ARHGEF7: variants seen among roughly 807,000 people sequenced by gnomAD.
ARHGEF7 encodes PAK-interacting exchange factor beta.
In ARHGEF7, 33 loss-of-function variants were observed where a neutral mutation model predicts 109.8. The ratio of observed to expected loss-of-function variants is 0.30; its 90% confidence interval spans 0.23 to 0.40. ARHGEF7 has a LOEUF of 0.40. ARHGEF7 is among the 10% of genes least tolerant of loss of function. The pLI is 1.00. For missense variants in ARHGEF7, 938 were observed against 1,098.5 expected, an observed-to-expected ratio of 0.85 and a Z score of 2.07; for synonymous variants, 458 against 424.6, an observed-to-expected ratio of 1.08 and a Z score of -0.97.
In ARHGEF7 at chr13:111,273,690, C is replaced by A; in HGVS notation, c.1074-124C>A. The stretch of plus-strand genomic sequence containing the variant: ...CGCAGATTTGGGATAAAAGCTGGAG[C>A]CTTCCAGATGTTAAAAGCAACACTT... On this transcript the variant is annotated intron_variant, in intron 9 of 21. Transcript: ENST00000646102. The surrounding 1 kb of genome is among the most constrained non-coding windows in gnomAD (Gnocchi z 4.5). 2 of 1,339,778 alleles carry A rather than the reference C, an allele frequency of 1.5e-6. No individual in the cohort carries two copies. The highest frequency in any genetic ancestry group is 1.3e-5 in the South Asian group (1 of 74,206). The allele number at this position is 1,339,778 out of a possible 1,614,324, so 83.0% of individuals were successfully genotyped here.
chr13:111,241,365 G>A, intron 6 of ARHGEF7: 3 of 1,535,468 alleles, frequency 2.0e-6, no homozygotes, highest in Non-Finnish European at 1.7e-6. Flanking sequence ...TGCGCCCCGA[G>A]GTCAGGAAGG....
At chr13:111,155,473 A>C (rs1316229023) in intron 2 of ARHGEF7, among the ~76,000 whole-genome samples, 1 of 152,242 alleles carries the variant, frequency 6.6e-6, no homozygotes, top group Non-Finnish European at 1.5e-5. Flanking sequence ...CACGTAAGTG[A>C]AAGTGCTAGG....
chr13:111,216,209 C>T (rs2083115656), intron 4 of ARHGEF7, among the ~76,000 whole-genome samples: 1 of 152,202 alleles, frequency 6.6e-6, no homozygotes, highest in African/African-American at 2.4e-5. Flanking sequence ...GACTCAGCTT[C>T]TGAGACTGAT....
chr13:111,280,823 T>G (rs1040983279), intron 15 of ARHGEF7, 146 bp downstream of exon 15: 6 of 953,684 alleles, frequency 6.3e-6, no homozygotes, highest in Non-Finnish European at 9.1e-6. Flanking sequence ...TCTGCAGATC[T>G]TTGGCCCTCT....
intron 2 of ARHGEF7, among the ~76,000 whole-genome samples, chr13:111,183,688 T>C (rs1348704546): frequency 1.3e-5 from 2 of 152,220 alleles, no homozygotes; most frequent in African/African-American, 2.4e-5. Context: ...TTATGGCCTC[T>C]TTATGAGGGA....
At chr13:111,284,026 A>G (rs2092911026) in intron 16 of ARHGEF7, among the ~76,000 whole-genome samples, 2 of 152,208 alleles carry the variant, frequency 1.3e-5, no homozygotes, top group Admixed American at 1.3e-4. Flanking sequence ...GTGTCTTTAG[A>G]AATCTGTTCT....
chr13:111,236,433 G>C (rs2086845009), intron 6 of ARHGEF7, among the ~76,000 whole-genome samples: 1 of 152,012 alleles, frequency 6.6e-6, no homozygotes, highest in African/African-American at 2.4e-5. Flanking sequence ...GGATATCTTA[G>C]ACCTATTTTA....
At position 111,266,799 on chromosome 13, in the gene ARHGEF7, A is replaced by G. The variant is rs1439634276; in HGVS notation, c.951-749A>G. 11 of 455,760 alleles carry G rather than the reference A, an allele frequency of 2.4e-5. No individual in the cohort carries two copies. Among genetic ancestry groups the G allele is most frequent in the Non-Finnish European group, 4.4e-5 (10 of 226,774 alleles). The allele number at this position is 455,760 out of a possible 1,614,324, so 28.2% of individuals were successfully genotyped here. ...ACCCTGGGGTGCAGGGAAGGTGGTA[A>G]GAGTTCACGTGGTTCTCCTGTTTTC... On this transcript the variant is annotated intron_variant, in intron 8 of 21. Coordinates refer to ENST00000646102, the MANE Select transcript of ARHGEF7 (RefSeq NM_001354046.2). The surrounding 1 kb of genome is among the most constrained non-coding windows in gnomAD (Gnocchi z 4.8).
At chr13:111,120,531 G>A (rs751914244) in intron 1 of ARHGEF7, among the ~76,000 whole-genome samples, 2 of 152,114 alleles carry the variant, frequency 1.3e-5, no homozygotes, top group Non-Finnish European at 2.9e-5. Context: ...ACACAGACAC[G>A]TCTGACGGGG....
At chr13:111,159,243 C>G (rs1025695741) in intron 2 of ARHGEF7, among the ~76,000 whole-genome samples, 2 of 152,162 alleles carry the variant, frequency 1.3e-5, no homozygotes, top group African/African-American at 4.8e-5. Context: ...GACTAGTATT[C>G]TATTGTGTAT....
chr13:111,163,148 A>G (rs968012749), intron 2 of ARHGEF7, among the ~76,000 whole-genome samples: 2 of 152,192 alleles, frequency 1.3e-5, no homozygotes, highest in African/African-American at 4.8e-5. Context: ...CCTGTGTAGG[A>G]CTTTAGTTAA....
intron 2 of ARHGEF7, among the ~76,000 whole-genome samples, chr13:111,170,762 G>A (rs1042777588): frequency 2.0e-5 from 3 of 152,210 alleles, no homozygotes; most frequent in African/African-American, 7.2e-5. Flanking sequence ...TGGTGCCCAG[G>A]CCCCTGGAAG....
chr13:111,249,209 A>C lies in ARHGEF7; in HGVS notation c.950+4915A>C, dbSNP rs146564107. ...GGAGTTTTAGCTGTTCCACATAACAAAGTTGGCTGCCATTAGCTTAATAGT... is the reference window on the plus strand; with the variant it reads ...GGAGTTTTAGCTGTTCCACATAACACAGTTGGCTGCCATTAGCTTAATAGT... On this transcript the variant is annotated intron_variant, in intron 8 of 21. Coordinates refer to ENST00000646102, the MANE Select transcript of ARHGEF7 (RefSeq NM_001354046.2). 2.4e-3 allele frequency among the ~76,000 whole-genome samples: 372 copies of C among 152,204 alleles called. 2 individuals are homozygous for C. The highest frequency in any genetic ancestry group is 0.019 in the East Asian group (99 of 5,192).
At chr13:111,235,141 G>A (rs1219767319) in intron 6 of ARHGEF7, among the ~76,000 whole-genome samples, 2 of 152,228 alleles carry the variant, frequency 1.3e-5, no homozygotes, top group Non-Finnish European at 2.9e-5. Context: ...TCCACAGTGA[G>A]ATTCCAAAGG....
chr13:111,162,415 T>C (rs1316004354), intron 2 of ARHGEF7, among the ~76,000 whole-genome samples: 3 of 152,228 alleles, frequency 2.0e-5, no homozygotes, highest in Non-Finnish European at 2.9e-5. Flanking sequence ...TGCAGTGTTA[T>C]CAGCTGTTGC....
At chr13:111,128,007 A>G (rs1253989643) in intron 1 of ARHGEF7, among the ~76,000 whole-genome samples, 5 of 152,238 alleles carry the variant, frequency 3.3e-5, no homozygotes, top group South Asian at 2.1e-4. Context: ...ATCCAATCCA[A>G]CGTAAACTCT....
chr13:111,281,417 T>C, intron 15 of ARHGEF7, among the ~76,000 whole-genome samples: 1 of 152,154 alleles, frequency 6.6e-6, no homozygotes, highest in East Asian at 1.9e-4. Context: ...ATTAGGCTAT[T>C]AGGATCAGCT....
intron 9 of ARHGEF7, among the ~76,000 whole-genome samples, chr13:111,271,911 G>C (rs202219853): frequency 6.6e-6 from 1 of 152,188 alleles, no homozygotes; most frequent in Non-Finnish European, 1.5e-5. Context: ...AGTATTTCTT[G>C]TTGGCAAGGG....
chr13:111,218,918 A>G (rs1370882465), intron 5 of ARHGEF7, among the ~76,000 whole-genome samples: 1 of 152,192 alleles, frequency 6.6e-6, no homozygotes, highest in Admixed American at 6.5e-5. Flanking sequence ...ACCTCAGAAA[A>G]CAAGTATTTT....
Sources: gnomAD v4.1 joint callset for allele counts (sites outside exome capture counted in the v4.1 genomes callset) on GRCh38, gnomAD v4.1.1 for gene constraint, Gnocchi (gnomAD v3.1) non-coding constraint, MANE v1.5 for transcripts, NCBI Gene and HGNC (gene_info 2026-07-23, HGNC 2026-07-21) for gene names.